The following AKR1B15 variants were observed in gnomAD, a reference collection of about 807,000 sequenced individuals.
AKR1B15 encodes the protein aldo-keto reductase family 1 member B15.
Under a neutral mutation model 38.5 loss-of-function variants are expected in AKR1B15, and 49 were observed. The ratio of observed to expected loss-of-function variants is 1.27; its 90% CI spans 1.01 to 1.62. The LOEUF (loss-of-function observed/expected upper bound fraction) is 1.62, where lower values mean the gene tolerates loss of function less well. Ranked by LOEUF, AKR1B15 falls within the 40% of genes most tolerant of loss-of-function variation. AKR1B15 has a pLI of 0.00. For missense variants in AKR1B15, 411 were observed against 381.6 expected (o/e 1.08, Z -0.64); for synonymous variants, 137 against 135.5 (o/e 1.01, Z -0.08).
chr7:134,565,678 G>A (rs1290130427), intron 3 of AKR1B15: 6 of 1,479,096 alleles, frequency 4.1e-6, no homozygotes, highest in Non-Finnish European at 4.5e-6. Flanking sequence ...CCTGGAGCTG[G>A]GACTCGGGTT....
intron 8 of AKR1B15, 89 bp downstream of exon 8, chr7:134,576,016 A>C: frequency 1.3e-6 from 2 of 1,520,926 alleles, no homozygotes; most frequent in Non-Finnish European, 1.8e-6. Context: ...TCCATAAGTT[A>C]CTGGAAAGAA....
chr7:134,552,332 C>T (rs559068333), intron 1 of AKR1B15, among the ~76,000 whole-genome samples: 24 of 152,190 alleles, frequency 1.6e-4, no homozygotes, highest in East Asian at 9.7e-4. Flanking sequence ...TCACAACTGC[C>T]GGAGAATAAA....
intron 1 of AKR1B15, among the ~76,000 whole-genome samples, chr7:134,550,203 C>T (rs1205439911): frequency 1.3e-5 from 2 of 152,158 alleles, no homozygotes; most frequent in African/African-American, 4.8e-5. Flanking sequence ...GAAACCTACA[C>T]CCATACTGCT....
chr7:134,553,167 A>G (rs991553325), intron 1 of AKR1B15, among the ~76,000 whole-genome samples: 3 of 152,156 alleles, frequency 2.0e-5, no homozygotes, highest in African/African-American at 7.2e-5. Flanking sequence ...CACCACTAAG[A>G]GACAGGTACA....
intron 2 of AKR1B15, among the ~76,000 whole-genome samples, chr7:134,563,870 T>C (rs1236102835): frequency 2.0e-5 from 3 of 152,172 alleles, no homozygotes; most frequent in Non-Finnish European, 4.4e-5. Context: ...ACAGCTACCT[T>C]GGCAAGTACT....
chr7:134,562,128 C>A (rs184144558), intron 2 of AKR1B15, among the ~76,000 whole-genome samples: 1 of 152,248 alleles, frequency 6.6e-6, no homozygotes, highest in African/African-American at 2.4e-5. Flanking sequence ...GGATTACAGA[C>A]ATGTGCCACT....
chr7:134,572,550 C>T (rs1794688465), intron 6 of AKR1B15, among the ~76,000 whole-genome samples: 1 of 151,458 alleles, frequency 6.6e-6, no homozygotes, highest in South Asian at 2.1e-4. Flanking sequence ...ATTGTGTGAA[C>T]TTGGGAGGTG....
rs905785371 is a variant in AKR1B15 at position 134,551,007 on chromosome 7, C to T, written c.-147+1758C>T. Among the ~76,000 whole-genome samples the T allele has an allele frequency of 4.6e-5, 7 of 152,328 alleles. 1 individual carries two copies. The highest frequency in any genetic ancestry group is 1.3e-4 in the Admixed American group (2 of 15,308). Reference sequence around the variant, plus strand: ...TCCAGAGCTCTCCTTCATGGCTCCACTCGTGATAAAACTCTGTAGCCATTC... The same window carrying T: ...TCCAGAGCTCTCCTTCATGGCTCCATTCGTGATAAAACTCTGTAGCCATTC... On this transcript the variant is annotated intron_variant, in intron 1 of 11. Transcript: ENST00000457545.
chr7:134,579,283 C>T (rs932080623), intron 11 of AKR1B15, among the ~76,000 whole-genome samples: 29 of 152,266 alleles, frequency 1.9e-4, no homozygotes, highest in African/African-American at 7.0e-4. Context: ...GTTGTCATTA[C>T]GAGTTTATTC....
chr7:134,579,522 G>A lies in AKR1B15; in HGVS notation c.1008G>A (p.Glu336=), dbSNP rs761790519. The change falls in exon 12 of 12, where the codon GAG becomes GAA. Residue 336 remains glutamate (E), a synonymous_variant. Transcript: ENST00000457545. The part of the protein sequence containing the change: ...AFDFKEFSHL[E]DFPFDAEY ...CTCTCTGTAGATTCTCTCATTTGGA[G>A]GACTTTCCCTTCGATGCAGAATATT... The A allele has an allele frequency of 1.9e-6, 3 of 1,598,376 alleles. No homozygotes were observed. Among genetic ancestry groups the A allele is most frequent in the Admixed American group, 1.7e-5 (1 of 57,864 alleles).
intron 9 of AKR1B15, 47 bp downstream of exon 9, chr7:134,576,477 G>A: frequency 6.3e-7 from 1 of 1,598,926 alleles, no homozygotes; most frequent in Middle Eastern, 1.7e-4. Context: ...CATGCTTCCA[G>A]TCTCATGTTT....
chr7:134,565,541 T>C, intron 3 of AKR1B15: 3 of 1,613,796 alleles, frequency 1.9e-6, no homozygotes, highest in Non-Finnish European at 2.5e-6. Flanking sequence ...CCTGGGCACT[T>C]GGAGGGTAAA....
At chr7:134,568,609 G>A (rs1794597260) in intron 4 of AKR1B15, among the ~76,000 whole-genome samples, 1 of 152,156 alleles carries the variant, frequency 6.6e-6, no homozygotes, top group Admixed American at 6.5e-5. Flanking sequence ...CTGCCCAGAG[G>A]CAGTCACAGG....
intron 2 of AKR1B15, among the ~76,000 whole-genome samples, chr7:134,557,694 T>C (rs1286800668): frequency 6.6e-6 from 1 of 152,098 alleles, no homozygotes; most frequent in Non-Finnish European, 1.5e-5. Flanking sequence ...TTTCAACTTT[T>C]TTGCCTGTTC....
Position 134,575,943 on chromosome 7 carries a change from G to T in AKR1B15, c.743+16G>T. ...ATAGACCTTGGTGAGGCTTCCAAGT[G>T]GTGGGTCTTTCTCTTGATAATCTTA... On this transcript the variant is annotated intron_variant, in intron 8 of 11. Coordinates refer to ENST00000457545, the MANE Select transcript of AKR1B15 (RefSeq NM_001080538.3). 1 of 1,611,946 alleles carries T rather than the reference G, an allele frequency of 6.2e-7. No homozygotes were observed. Among genetic ancestry groups the T allele is most frequent in the Non-Finnish European group, 8.5e-7 (1 of 1,179,220 alleles).
chr7:134,551,476 C>T (rs1273935147), intron 1 of AKR1B15, among the ~76,000 whole-genome samples: 1 of 152,188 alleles, frequency 6.6e-6, no homozygotes, highest in Non-Finnish European at 1.5e-5. Flanking sequence ...TCAGCAACTC[C>T]TTTCATCCCT....
At chr7:134,560,577 C>G (rs1044594694) in intron 2 of AKR1B15, among the ~76,000 whole-genome samples, 13 of 152,180 alleles carry the variant, frequency 8.5e-5, no homozygotes, top group Non-Finnish European at 1.8e-4. Flanking sequence ...CTCACTGATT[C>G]ATAGCTAAGT....
chr7:134,577,357 C>G (rs1179455031), intron 10 of AKR1B15, among the ~76,000 whole-genome samples: 1 of 152,162 alleles, frequency 6.6e-6, no homozygotes, highest in African/African-American at 2.4e-5. Flanking sequence ...AGCAGACTGT[C>G]CTGGCCTACC....
intron 5 of AKR1B15, 200 bp downstream of exon 5, chr7:134,569,729 A>G: frequency 1.8e-6 from 1 of 541,402 alleles, no homozygotes; most frequent in Non-Finnish European, 3.2e-6. Flanking sequence ...ATAAATTGTG[A>G]AGATTTCATG....
Sources: gnomAD v4.1 joint callset for allele counts (sites outside exome capture counted in the v4.1 genomes callset) on GRCh38, gnomAD v4.1.1 for gene constraint, MANE v1.5 for transcripts, NCBI Gene and HGNC (gene_info 2026-07-23, HGNC 2026-07-21) for gene names.